DLG1: variants seen among roughly 807,000 people sequenced by gnomAD.
DLG1 encodes discs large MAGUK scaffold protein 1, also known as disks large homolog 1.
In DLG1, 42 loss-of-function variants were observed where a neutral mutation model predicts 123.4. The observed-to-expected ratio is 0.34, with a 90% CI of 0.27 to 0.44. The LOEUF (loss-of-function observed/expected upper bound fraction) is 0.44, where lower values mean the gene tolerates loss of function less well. DLG1 is among the 20% of genes least tolerant of loss of function. The pLI is 1.00. For synonymous variants in DLG1, 317 were observed against 356.2 expected (o/e 0.89, Z 1.24); for missense variants, 942 against 1,082.6 (o/e 0.87, Z 1.82).
At position 197,279,479 on chromosome 3, in the gene DLG1, A is replaced by C. The variant is rs544598066; in HGVS notation, c.318+3200T>G. Among the ~76,000 whole-genome samples the C allele has an allele frequency of 6.6e-5, 10 of 152,276 alleles. No individual in the cohort carries two copies. In the South Asian group the frequency reaches 8.3e-4, roughly 13 times the overall value. Reference sequence around the variant, plus strand: ...CCCTTAGAGTCTATTCATGAATATGAACAGATTTCAAACATTACTACAGCA... The same window carrying C: ...CCCTTAGAGTCTATTCATGAATATGCACAGATTTCAAACATTACTACAGCA... On this transcript the variant is annotated intron_variant, in intron 4 of 24. Coordinates refer to ENST00000667157, the MANE Select transcript of DLG1 (RefSeq NM_001366207.1).
At chr3:197,083,198 A>G (rs986673460) in intron 16 of DLG1, among the ~76,000 whole-genome samples, 6 of 152,236 alleles carry the variant, frequency 3.9e-5, no homozygotes, top group Non-Finnish European at 8.8e-5. Context: ...CCCGAAAATC[A>G]TAATTATAAA....
chr3:197,090,916 C>T lies in DLG1; in HGVS notation c.1657G>A (p.Val553Ile). Residue 553 changes from valine (V) to isoleucine (I), a missense_variant, in exon 15 of 25, where the codon GTC becomes ATC. Coordinates refer to ENST00000667157, the MANE Select transcript of DLG1 (RefSeq NM_001366207.1). ...LRTSQKRSLY[V>I]RALFDYDKTK... is the part of the protein sequence containing the mutation. ...ATTAGAAGTAAAAAAATTTACCTGA[C>T]ATAGAGGGATCGCTTCTGGCTAGTT... 1.3e-6 allele frequency: 2 copies of T among 1,596,702 alleles called. No homozygotes were observed. Among genetic ancestry groups the T allele is most frequent in the Non-Finnish European group, 1.7e-6 (2 of 1,167,312 alleles).
At chr3:197,259,435 G>A (rs1010940981) in intron 4 of DLG1, among the ~76,000 whole-genome samples, 2 of 152,012 alleles carry the variant, frequency 1.3e-5, no homozygotes, top group Admixed American at 1.3e-4. Flanking sequence ...TACAGAAAGA[G>A]TAATAGCCTC....
At chr3:197,273,234 T>A (rs28606077) in intron 4 of DLG1, among the ~76,000 whole-genome samples, 25 of 134,340 alleles carry the variant, frequency 1.9e-4, no homozygotes, top group African/African-American at 6.4e-4. Context: ...ATATATATAT[T>A]TTTTTCTTTA....
chr3:197,207,423 C>A (rs1489102859), intron 4 of DLG1, among the ~76,000 whole-genome samples: 1 of 152,100 alleles, frequency 6.6e-6, no homozygotes, highest in Non-Finnish European at 1.5e-5. Context: ...TCAAAGATAT[C>A]ATCTCCTTCC....
intron 12 of DLG1, among the ~76,000 whole-genome samples, chr3:197,118,979 G>C (rs1560805749): frequency 6.6e-6 from 1 of 152,012 alleles, no homozygotes; most frequent in Non-Finnish European, 1.5e-5. Context: ...ACTCCAGCCT[G>C]GGCAACAGAG....
chr3:197,097,508 C>T (rs1761235285), intron 14 of DLG1, among the ~76,000 whole-genome samples: 1 of 151,426 alleles, frequency 6.6e-6, no homozygotes. Context: ...GTTTGGCTTT[C>T]CTAATTTTTT....
At chr3:197,100,818 C>T (rs1763054125) in intron 14 of DLG1, among the ~76,000 whole-genome samples, 1 of 152,128 alleles carries the variant, frequency 6.6e-6, no homozygotes, top group South Asian at 2.1e-4. Flanking sequence ...AATGAAGTTA[C>T]CATAAATACC....
At position 197,297,699 on chromosome 3, in the gene DLG1, C is replaced by T. The variant is rs338215; in HGVS notation, c.-31-464G>A. The T allele has an allele frequency of 4.0e-6, 4 of 988,824 alleles. No individual in the cohort carries two copies. The East Asian group carries it at 3.4e-4, about 84-fold the overall frequency. The allele number at this position is 988,824 out of a possible 1,614,324, so 61.3% of individuals were successfully genotyped here. On this transcript the variant is annotated intron_variant, in intron 1 of 24. Coordinates refer to ENST00000667157, the MANE Select transcript of DLG1 (RefSeq NM_001366207.1). ...TTTCTCCTTGCTCGCTGCCTCCGGG[C>T]TGCTCCAGCGGGGGCCGGACAGGGC...
At chr3:197,274,027 A>C (rs944981175) in intron 4 of DLG1, among the ~76,000 whole-genome samples, 4 of 152,148 alleles carry the variant, frequency 2.6e-5, no homozygotes, top group Admixed American at 2.0e-4. Context: ...TGTCCATACT[A>C]ACCAAAGCAA....
At chr3:197,083,547 C>G (rs1031906269) in intron 16 of DLG1, among the ~76,000 whole-genome samples, 2 of 152,188 alleles carry the variant, frequency 1.3e-5, no homozygotes, top group African/African-American at 4.8e-5. Flanking sequence ...CAGAGACACT[C>G]AACAGCACTT....
intron 4 of DLG1, among the ~76,000 whole-genome samples, chr3:197,233,724 T>G (rs527734350): frequency 6.6e-6 from 1 of 152,310 alleles, no homozygotes; most frequent in East Asian, 1.9e-4. Flanking sequence ...TTCACCATAT[T>G]GGCCAGGCTG....
chr3:197,213,813 CA>C (rs1448219253), intron 4 of DLG1, among the ~76,000 whole-genome samples: 1 of 152,100 alleles, frequency 6.6e-6, no homozygotes, highest in Admixed American at 6.5e-5. Flanking sequence ...TTTTTGCAAT[CA>C]AAATATCAAT....
chr3:197,278,009 G>A (rs942833058), intron 4 of DLG1, among the ~76,000 whole-genome samples: 1 of 151,948 alleles, frequency 6.6e-6, no homozygotes, highest in Admixed American at 6.5e-5. Flanking sequence ...TTGGGGTCGG[G>A]CATGGTGGCT....
chr3:197,112,567 G>A (rs573753008), intron 13 of DLG1, among the ~76,000 whole-genome samples: 11 of 152,088 alleles, frequency 7.2e-5, no homozygotes, highest in Middle Eastern at 6.8e-3. Flanking sequence ...TTACCACTGT[G>A]TGGCTTGCCT....
chr3:197,139,201 T>C (rs1176919495), intron 8 of DLG1, among the ~76,000 whole-genome samples: 3 of 152,168 alleles, frequency 2.0e-5, no homozygotes, highest in Non-Finnish European at 2.9e-5. Flanking sequence ...GAAAAAAAGA[T>C]GGTCATCTCA....
intron 23 of DLG1, among the ~76,000 whole-genome samples, chr3:197,056,355 T>A (rs79905847): frequency 6.6e-6 from 1 of 152,344 alleles, no homozygotes; most frequent in East Asian, 1.9e-4. Context: ...AAAAATTGTT[T>A]GATTCAATTT....
intron 5 of DLG1, among the ~76,000 whole-genome samples, chr3:197,184,886 G>A (rs960503468): frequency 4.6e-5 from 7 of 152,032 alleles, no homozygotes; most frequent in African/African-American, 1.4e-4. Context: ...ATAATAGTTC[G>A]CCTGAGAATT....
intron 6 of DLG1, among the ~76,000 whole-genome samples, chr3:197,146,192 A>G (rs1790677530): frequency 6.6e-6 from 1 of 152,278 alleles, no homozygotes; most frequent in African/African-American, 2.4e-5. Flanking sequence ...GCTCATGGAC[A>G]GGTAGAATCA....
Sources: gnomAD v4.1 joint callset for allele counts (sites outside exome capture counted in the v4.1 genomes callset) on GRCh38, gnomAD v4.1.1 for gene constraint, MANE v1.5 for transcripts, NCBI Gene and HGNC (gene_info 2026-07-23, HGNC 2026-07-21) for gene names.